The following RCAN1 variants were observed in gnomAD, a reference collection of about 807,000 sequenced individuals.
RCAN1 encodes the protein calcipressin-1.
A neutral mutation model predicts 22.9 loss-of-function variants in RCAN1; 11 were observed. That is an observed-to-expected ratio of 0.48 (90% CI 0.30 to 0.79). The LOEUF is 0.79. Among genes scored for constraint, RCAN1 ranks in the 30% least tolerant of loss-of-function variants. The pLI is 0.06. For synonymous variants in RCAN1, 136 were observed against 142.3 expected, an observed-to-expected ratio of 0.96 and a Z score of 0.32; for missense variants, 291 against 337.8, an observed-to-expected ratio of 0.86 and a Z score of 1.09.
chr21:34,526,624 T>A (rs762548309), intron 1 of RCAN1: 8 of 1,596,356 alleles, frequency 5.0e-6, no homozygotes, highest in Non-Finnish European at 6.0e-6. Context: ...CATAATGCTT[T>A]GAAAACTAAA....
intron 1 of RCAN1, among the ~76,000 whole-genome samples, chr21:34,612,776 A>G (rs1568937113): frequency 6.6e-6 from 1 of 152,102 alleles, no homozygotes; most frequent in Non-Finnish European, 1.5e-5. Flanking sequence ...TTCCTCCCCC[A>G]GCTCCAGCTT....
In RCAN1 at chr21:34,613,900, G is replaced by C. The variant is rs1007834363; in HGVS notation, c.252+860C>G. ...GCTGAAAGCACTGCTTTTTTTGACA[G>C]CTGCTCTCCTAATGGGGCATCTCTC... On this transcript the variant is annotated intron_variant, in intron 1 of 3. Transcript: ENST00000313806. The C allele has an allele frequency of 2.9e-6, 4 of 1,360,534 alleles. No individual in the cohort carries two copies. In the African/African-American group the frequency reaches 5.9e-5, roughly 20 times the overall value. The allele number at this position is 1,360,534 out of a possible 1,614,324, so 84.3% of individuals were successfully genotyped here.
chr21:34,610,063 A>G lies in RCAN1; in HGVS notation c.252+4697T>C, dbSNP rs141146012. Among the ~76,000 whole-genome samples, 147 of 152,342 alleles carry G rather than the reference A, an allele frequency of 9.6e-4. 1 individual carries two copies. In the Middle Eastern group the frequency reaches 0.027, roughly 28 times the overall value. On this transcript the variant is annotated intron_variant, in intron 1 of 3. Transcript: ENST00000313806. Reference sequence around the variant, plus strand: ...CTAGGGTGAAAAGTGAAAATGGCCTAAAACTGCCTGGATTTTCCAGTGCAA... The same window carrying G: ...CTAGGGTGAAAAGTGAAAATGGCCTGAAACTGCCTGGATTTTCCAGTGCAA...
At chr21:34,562,831 C>T (rs1250295392) in intron 1 of RCAN1, among the ~76,000 whole-genome samples, 1 of 152,072 alleles carries the variant, frequency 6.6e-6, no homozygotes, top group East Asian at 1.9e-4. Flanking sequence ...CTCATGGTAC[C>T]CAGTGATATT....
At chr21:34,607,835 G>A (rs905878974) in intron 1 of RCAN1, among the ~76,000 whole-genome samples, 25 of 152,232 alleles carry the variant, frequency 1.6e-4, no homozygotes, top group South Asian at 2.1e-4. Flanking sequence ...GGCCTGTTAG[G>A]AAGCGGGCCA....
chr21:34,521,588 G>T lies in RCAN1; in HGVS notation c.497C>A (p.Ala166Asp). The part of the protein sequence containing the change: ...PDKQFLISPP[A>D]SPPVGWKQVE... ...TTGTTTCCATCCCACTGGCGGAGAG[G>T]CGGGAGGGGAGATCAGAAACTGCTT... The change falls in exon 3 of 4, where the codon GCC becomes GAC. Residue 166 changes from alanine (A) to aspartate (D), a missense_variant. Physicochemically the swap from Ala to Asp is moderately radical, Grantham distance 126. Transcript: ENST00000313806. 1 of 1,614,222 alleles carries T rather than the reference G, an allele frequency of 6.2e-7. No individual in the cohort carries two copies. The highest frequency in any genetic ancestry group is 8.5e-7 in the Non-Finnish European group (1 of 1,180,042).
At chr21:34,543,674 G>A (rs1986013067) in intron 1 of RCAN1, among the ~76,000 whole-genome samples, 1 of 152,246 alleles carries the variant, frequency 6.6e-6, no homozygotes, top group African/African-American at 2.4e-5. Flanking sequence ...AGGAAGTTGG[G>A]CTTTGGAATC....
intron 1 of RCAN1, among the ~76,000 whole-genome samples, chr21:34,537,554 A>T (rs1037172075): frequency 1.3e-5 from 2 of 152,194 alleles, no homozygotes; most frequent in Non-Finnish European, 2.9e-5. Flanking sequence ...ATGCTCTTCA[A>T]ATACCCCAGG....
intron 1 of RCAN1, among the ~76,000 whole-genome samples, chr21:34,589,288 G>C (rs1447845271): frequency 6.6e-6 from 1 of 152,078 alleles, no homozygotes; most frequent in East Asian, 1.9e-4. Flanking sequence ...CCATTAAATG[G>C]GGTCTCCCAC....
At chr21:34,555,589 AAAT>A (rs1182682855) in intron 1 of RCAN1, among the ~76,000 whole-genome samples, 6 of 150,666 alleles carry the variant, frequency 4.0e-5, no homozygotes, top group Non-Finnish European at 8.8e-5. Context: ...AAAATAAATA[AAAT>A]AATAATAATA....
intron 1 of RCAN1, among the ~76,000 whole-genome samples, chr21:34,567,974 C>T (rs1987092303): frequency 6.6e-6 from 1 of 152,176 alleles, no homozygotes; most frequent in Admixed American, 6.5e-5. Context: ...CAAATTCCAT[C>T]TGATAGCTAA....
intron 1 of RCAN1, among the ~76,000 whole-genome samples, chr21:34,601,385 T>C (rs1197954812): frequency 6.6e-6 from 1 of 152,132 alleles, no homozygotes; most frequent in African/African-American, 2.4e-5. Context: ...TGCAGAGAAG[T>C]TAAGTTACTT....
chr21:34,610,566 T>C (rs185429451), intron 1 of RCAN1, among the ~76,000 whole-genome samples: 2 of 152,340 alleles, frequency 1.3e-5, no homozygotes, highest in East Asian at 3.9e-4. Flanking sequence ...TTCAGTGATC[T>C]TTTTAAGATA....
At chr21:34,560,846 C>G (rs1986762535) in intron 1 of RCAN1, among the ~76,000 whole-genome samples, 1 of 152,112 alleles carries the variant, frequency 6.6e-6, no homozygotes, top group Non-Finnish European at 1.5e-5. Context: ...TCCAGTAAGG[C>G]CATTCTGACT....
intron 1 of RCAN1, chr21:34,526,525 G>T: frequency 2.4e-6 from 2 of 819,090 alleles, no homozygotes; most frequent in South Asian, 2.1e-5. Flanking sequence ...TGATTTTCAA[G>T]GCTCGAAAGA....
At chr21:34,588,389 T>C (rs1987868940) in intron 1 of RCAN1, among the ~76,000 whole-genome samples, 1 of 152,158 alleles carries the variant, frequency 6.6e-6, no homozygotes. Flanking sequence ...CTGATATGGG[T>C]GTGTTTATTT....
chr21:34,544,691 C>T (rs919652965), intron 1 of RCAN1, among the ~76,000 whole-genome samples: 6 of 152,208 alleles, frequency 3.9e-5, no homozygotes, highest in Admixed American at 2.6e-4. Context: ...CTGGTCTCAA[C>T]GAGCCTTTGC....
intron 1 of RCAN1, among the ~76,000 whole-genome samples, chr21:34,601,679 G>A (rs995751168): frequency 2.0e-5 from 3 of 151,956 alleles, no homozygotes; most frequent in Admixed American, 6.6e-5. Flanking sequence ...TTAGCCAGGC[G>A]TGGTGGTGGG....
At chr21:34,526,727 T>C (rs1460519063) in intron 1 of RCAN1, 3 of 1,613,530 alleles carry the variant, frequency 1.9e-6, no homozygotes, top group Non-Finnish European at 2.5e-6. Context: ...GCTAAAACTG[T>C]AGTTAAAGTT....
Sources: allele counts gnomAD v4.1 joint callset (sites outside exome capture counted in the v4.1 genomes callset), GRCh38; gene constraint gnomAD v4.1.1; transcripts MANE v1.5; gene names NCBI Gene and HGNC (gene_info 2026-07-23, HGNC 2026-07-21).